PRDM5: variants seen among roughly 807,000 people sequenced by gnomAD.
The protein encoded by PRDM5 is PR domain zinc finger protein 5.
In PRDM5, 56 loss-of-function variants were observed where a neutral mutation model predicts 81.2. The observed-to-expected ratio is 0.69, with a 90% CI of 0.56 to 0.86. PRDM5 has a LOEUF of 0.86. Ranked by LOEUF, PRDM5 falls within the 40% of genes least tolerant of loss-of-function variation. PRDM5 has a pLI of 0.00. For synonymous variants in PRDM5, 267 were observed against 256.4 expected, an observed-to-expected ratio of 1.04 and a Z score of -0.39; for missense variants, 697 against 770.1, an observed-to-expected ratio of 0.91 and a Z score of 1.12.
At chr4:120,684,348 T>TA (rs139237434), downstream of PRDM5, among the ~76,000 whole-genome samples, 23,943 of 151,904 alleles carry the variant, frequency 0.16, 2,391 homozygotes, top group Non-Finnish European at 0.24. Flanking sequence ...CACTTCCTTG[T>TA]CAGCAAGAAA....
intron 2 of PRDM5, among the ~76,000 whole-genome samples, chr4:120,892,256 T>C (rs967050286): frequency 7.4e-4 from 113 of 152,102 alleles, no homozygotes; most frequent in African/African-American, 2.7e-3. Flanking sequence ...TTTTAGAGTA[T>C]GTACCACCTG....
intron 14 of PRDM5, among the ~76,000 whole-genome samples, chr4:120,734,944 C>G (rs1486577869): frequency 6.6e-6 from 1 of 152,168 alleles, no homozygotes; most frequent in African/African-American, 2.4e-5. Flanking sequence ...AGGGCTGCAG[C>G]CTTTTCTTAA....
chr4:120,843,273 G>A (rs750928583), intron 3 of PRDM5, among the ~76,000 whole-genome samples: 18 of 152,136 alleles, frequency 1.2e-4, no homozygotes, highest in Non-Finnish European at 2.5e-4. Flanking sequence ...GGCAGAGGTC[G>A]CAGTGAGCCG....
chr4:120,922,624 G>A lies in PRDM5; in HGVS notation c.-16C>T, dbSNP rs1422107385. The A allele has an allele frequency of 6.4e-7, 1 of 1,570,186 alleles. No homozygotes were observed. Among genetic ancestry groups the A allele is most frequent in the South Asian group, 1.2e-5 (1 of 85,914 alleles). ...TGCCCAGCATTTTCCCGGGCGCGGCGGCCGCCGCCTCTCTCAACACCGGCG... is the reference window on the plus strand; with the variant it reads ...TGCCCAGCATTTTCCCGGGCGCGGCAGCCGCCGCCTCTCTCAACACCGGCG... On this transcript the variant is annotated 5_prime_UTR_variant, in exon 1 of 16. Coordinates refer to ENST00000264808, the MANE Select transcript of PRDM5 (RefSeq NM_018699.4).
At chr4:120,740,553 C>A (rs1183864086) in intron 14 of PRDM5, among the ~76,000 whole-genome samples, 1 of 152,098 alleles carries the variant, frequency 6.6e-6, no homozygotes, top group African/African-American at 2.4e-5. Flanking sequence ...ATCTGTGACT[C>A]CTCCCTATTC....
At chr4:120,888,338 G>C (rs1430938774) in intron 2 of PRDM5, among the ~76,000 whole-genome samples, 2 of 152,074 alleles carry the variant, frequency 1.3e-5, no homozygotes, top group African/African-American at 4.8e-5. Flanking sequence ...AGCTTCACCT[G>C]CTTTCAAACT....
chr4:120,741,951 C>G (rs1302880302), intron 14 of PRDM5, among the ~76,000 whole-genome samples: 3 of 152,242 alleles, frequency 2.0e-5, no homozygotes, highest in Non-Finnish European at 4.4e-5. Context: ...CTGCCTGCCT[C>G]TGTAGGCTCC....
At chr4:120,805,711 A>G (rs981943253) in intron 8 of PRDM5, among the ~76,000 whole-genome samples, 1 of 152,212 alleles carries the variant, frequency 6.6e-6, no homozygotes, top group African/African-American at 2.4e-5. Flanking sequence ...TCAAAATAAT[A>G]AGAGCTACTT....
intron 13 of PRDM5, chr4:120,762,575 A>C (rs1287901792): frequency 6.6e-6 from 1 of 152,154 alleles, no homozygotes; most frequent in Non-Finnish European, 1.5e-5. Flanking sequence ...TGAAAGCACC[A>C]CCCAATTACT....
In PRDM5 at chr4:120,922,410, G is replaced by T; in HGVS notation, c.93+106C>A. 4.3e-6 allele frequency: 5 copies of T among 1,173,764 alleles called. No individual in the cohort carries two copies. The South Asian group carries it at 1.7e-4, about 39-fold the overall frequency. The allele number at this position is 1,173,764 out of a possible 1,614,324, so 72.7% of individuals were successfully genotyped here. On this transcript the variant is annotated intron_variant, in intron 1 of 15. Coordinates refer to ENST00000264808, the MANE Select transcript of PRDM5 (RefSeq NM_018699.4). ...GCCTGGCCCGGCCCGGGCGAGGGGC[G>T]ACCGGGGTGAAGCCCGCCGCGCCCC...
chr4:120,800,516 C>CA (rs34793587), intron 8 of PRDM5, among the ~76,000 whole-genome samples: 63,349 of 121,662 alleles, frequency 0.52, 15,040 homozygotes, highest in African/African-American at 0.65. Context: ...GACTCGGTCT[C>CA]AAAAAAAAAA....
At chr4:120,911,741 C>T (rs1002633342) in intron 1 of PRDM5, among the ~76,000 whole-genome samples, 8 of 151,988 alleles carry the variant, frequency 5.3e-5, no homozygotes, top group African/African-American at 1.9e-4. Flanking sequence ...TTTTAAATTC[C>T]AATAGAAAGA....
At chr4:120,814,653 T>C (rs1393409289) in intron 7 of PRDM5, among the ~76,000 whole-genome samples, 2 of 152,230 alleles carry the variant, frequency 1.3e-5, no homozygotes, top group African/African-American at 2.4e-5. Flanking sequence ...TGCCTTTGCC[T>C]TTCTATAATA....
chr4:120,734,774 G>C (rs1740860854), intron 14 of PRDM5, among the ~76,000 whole-genome samples: 1 of 152,134 alleles, frequency 6.6e-6, no homozygotes, highest in Admixed American at 6.5e-5. Flanking sequence ...TACTTCTGCA[G>C]ACTAAACGCT....
At chr4:120,795,967 T>C (rs762225810) in intron 10 of PRDM5, among the ~76,000 whole-genome samples, 5 of 152,080 alleles carry the variant, frequency 3.3e-5, no homozygotes, top group Non-Finnish European at 5.9e-5. Context: ...AAAAATAATA[T>C]TCTATTTTTC....
intron 8 of PRDM5, among the ~76,000 whole-genome samples, chr4:120,803,648 A>G (rs1186415214): frequency 6.6e-6 from 1 of 152,132 alleles, no homozygotes; most frequent in Non-Finnish European, 1.5e-5. Context: ...TACAGACAAG[A>G]AAATGCTGAG....
At chr4:120,688,967 A>G (rs1472667206), downstream of PRDM5, among the ~76,000 whole-genome samples, 1 of 152,136 alleles carries the variant, frequency 6.6e-6, no homozygotes, top group Non-Finnish European at 1.5e-5. Flanking sequence ...TAGAACATAT[A>G]TTTTGTATTC....
intron 3 of PRDM5, among the ~76,000 whole-genome samples, chr4:120,828,691 G>A (rs537099959): frequency 9.9e-5 from 15 of 152,044 alleles, no homozygotes; most frequent in Middle Eastern, 3.4e-3. Context: ...CAAGCACTGG[G>A]CTCAAAACAT....
intron 2 of PRDM5, among the ~76,000 whole-genome samples, chr4:120,907,004 A>T (rs1340695129): frequency 1.1e-5 from 1 of 92,668 alleles, no homozygotes; most frequent in Non-Finnish European, 2.3e-5. Context: ...CACTTTCTCT[A>T]AAAAAAAAAA....
Sources: allele counts gnomAD v4.1 joint callset (sites outside exome capture counted in the v4.1 genomes callset), GRCh38; gene constraint gnomAD v4.1.1; transcripts MANE v1.5; gene names NCBI Gene and HGNC (gene_info 2026-07-23, HGNC 2026-07-21).